RIMS2: variants seen among roughly 807,000 people sequenced by gnomAD.
RIMS2 encodes regulating synaptic membrane exocytosis 2, also known as regulating synaptic membrane exocytosis protein 2.
RIMS2 carries 59 observed loss-of-function variants against 174.4 expected under a neutral mutation model. That is an observed-to-expected ratio of 0.34 (90% CI 0.27 to 0.42). The LOEUF is 0.42. RIMS2 is among the 10% of genes least tolerant of loss of function. The probability of loss-of-function intolerance (pLI) is 1.00; values close to 1 mark genes in which losing one functional copy is unlikely to be tolerated. For missense variants in RIMS2, 1,620 were observed against 1,666.3 expected (o/e 0.97, Z 0.48); for synonymous variants, 606 against 572.5 (o/e 1.06, Z -0.84).
At chr8:103,962,344 A>T (rs567723926) in intron 15 of RIMS2, among the ~76,000 whole-genome samples, 1 of 152,294 alleles carries the variant, frequency 6.6e-6, no homozygotes, top group South Asian at 2.1e-4. Flanking sequence ...AGTCTCTGGA[A>T]TAATTTTCTG....
intron 19 of RIMS2, among the ~76,000 whole-genome samples, chr8:104,100,952 T>TATATGAG (rs759307956): frequency 1.6e-5 from 2 of 128,554 alleles, no homozygotes; most frequent in Non-Finnish European, 3.2e-5. Flanking sequence ...TTATATAGTA[T>TATATGAG]ATATGATATA....
intron 19 of RIMS2, among the ~76,000 whole-genome samples, chr8:104,168,933 ATG>A (rs1423026743): frequency 1.3e-5 from 2 of 151,906 alleles, no homozygotes; most frequent in African/African-American, 4.8e-5. Context: ...AATTATTTTT[ATG>A]TGATGTGTCA....
At chr8:103,760,589 G>A (rs1054388198) in intron 2 of RIMS2, among the ~76,000 whole-genome samples, 1 of 152,188 alleles carries the variant, frequency 6.6e-6, no homozygotes, top group African/African-American at 2.4e-5. Flanking sequence ...GAATGCTTTA[G>A]GGTAATGCTC....
intron 17 of RIMS2, 61 bp from the exon 20 acceptor site, chr8:104,013,381 A>T (rs567702988): frequency 7.2e-7 from 1 of 1,397,240 alleles, no homozygotes; most frequent in African/African-American, 1.4e-5. Flanking sequence ...TTGATGCATC[A>T]TAACCAAATA....
At chr8:103,950,852 T>C (rs2085174466) in intron 14 of RIMS2, among the ~76,000 whole-genome samples, 1 of 152,202 alleles carries the variant, frequency 6.6e-6, no homozygotes, top group African/African-American at 2.4e-5. Context: ...GCATACATGT[T>C]CATTCATATA....
intron 19 of RIMS2, among the ~76,000 whole-genome samples, chr8:104,192,347 G>A (rs1563663738): frequency 6.6e-6 from 1 of 151,986 alleles, no homozygotes; most frequent in African/African-American, 2.4e-5. Context: ...AAAACTCACT[G>A]ACAGCATTTG....
At chr8:103,595,042 C>T (rs2094432593) in intron 1 of RIMS2, among the ~76,000 whole-genome samples, 1 of 151,576 alleles carries the variant, frequency 6.6e-6, no homozygotes, top group South Asian at 2.1e-4. Context: ...ATGACCATGT[C>T]ACATAAATAT....
intron 19 of RIMS2, among the ~76,000 whole-genome samples, chr8:104,241,111 C>A (rs145084960): frequency 1.3e-5 from 2 of 152,308 alleles, no homozygotes; most frequent in East Asian, 3.9e-4. Flanking sequence ...TCCCACCCCA[C>A]TAAGCTGCTT....
chr8:103,513,892 T>A (rs1258332911), intron 1 of RIMS2, among the ~76,000 whole-genome samples: 1 of 152,180 alleles, frequency 6.6e-6, no homozygotes, highest in Non-Finnish European at 1.5e-5. Flanking sequence ...TCTTTATTGA[T>A]CCCAGGTCAT....
intron 1 of RIMS2, among the ~76,000 whole-genome samples, chr8:103,505,353 G>A (rs776779549): frequency 3.5e-4 from 54 of 152,118 alleles, no homozygotes; most frequent in Non-Finnish European, 7.1e-4. Flanking sequence ...AAACAGAAAT[G>A]TGTCCTGCAG....
intron 4 of RIMS2, among the ~76,000 whole-genome samples, chr8:103,906,077 C>A (rs992439195): frequency 1.3e-5 from 2 of 151,992 alleles, no homozygotes; most frequent in South Asian, 4.2e-4. Context: ...ATAAGAATAT[C>A]CAGTGGAAAC....
chr8:103,746,190 T>C (rs2097810465), intron 2 of RIMS2, among the ~76,000 whole-genome samples: 1 of 152,220 alleles, frequency 6.6e-6, no homozygotes, highest in African/African-American at 2.4e-5. Context: ...TCCAGTGCCA[T>C]TTATTGAAAA....
intron 3 of RIMS2, among the ~76,000 whole-genome samples, chr8:103,851,337 A>C (rs1325304304): frequency 6.6e-6 from 1 of 151,916 alleles, no homozygotes; most frequent in Non-Finnish European, 1.5e-5. Flanking sequence ...AGTTATGTAT[A>C]AAGTTGCTTT....
Position 103,967,851 on chromosome 8 carries a change from CTT to C in RIMS2, c.2770+6737_2770+6738del, listed in dbSNP as rs1183741701. On this transcript the variant is annotated intron_variant, in intron 15 of 23. Transcript: ENST00000504942. Reference sequence around the variant, plus strand: ...TCTAAAATTAGTGTACCTACTCCTGCTTTTTTTTTTTTTTTTTTTTGAGACAG... The same window carrying C: ...TCTAAAATTAGTGTACCTACTCCTGCTTTTTTTTTTTTTTTTTTGAGACAG... Among the ~76,000 whole-genome samples the C allele has an allele frequency of 9.0e-3, 985 of 109,446 alleles. 4 individuals are homozygous for C. The highest frequency in any genetic ancestry group is 0.035 in the African/African-American group (943 of 27,184). 71.8% of individuals were successfully genotyped at this position (109,446 alleles called of 152,430 possible). A position where few individuals can be genotyped will look rare whatever the true frequency, so the allele number is the denominator to read the frequency against.
intron 3 of RIMS2, among the ~76,000 whole-genome samples, chr8:103,798,709 T>A (rs2098577222): frequency 6.6e-6 from 1 of 152,162 alleles, no homozygotes; most frequent in Non-Finnish European, 1.5e-5. Context: ...AATTTGTTGT[T>A]CCAGACTGCT....
chr8:104,202,977 G>A (rs183471335), intron 19 of RIMS2, among the ~76,000 whole-genome samples: 272 of 152,294 alleles, frequency 1.8e-3, no homozygotes, highest in Non-Finnish European at 3.0e-3. Context: ...TGGGAAGTAT[G>A]TTTCCTAAAT....
chr8:104,220,569 C>T (rs1257921637), intron 19 of RIMS2, among the ~76,000 whole-genome samples: 4 of 151,984 alleles, frequency 2.6e-5, no homozygotes, highest in Non-Finnish European at 1.5e-5. Flanking sequence ...TAAAAGTTTT[C>T]CATGCATCCC....
chr8:103,645,421 C>A (rs34330341), intron 1 of RIMS2, among the ~76,000 whole-genome samples: 17,657 of 151,922 alleles, frequency 0.12, 1,369 homozygotes, highest in Non-Finnish European at 0.17. Flanking sequence ...TCATTTATTA[C>A]TATATCATTA....
At chr8:103,722,968 C>T (rs551650794) in intron 2 of RIMS2, among the ~76,000 whole-genome samples, 1 of 152,048 alleles carries the variant, frequency 6.6e-6, no homozygotes, top group Admixed American at 6.6e-5. Flanking sequence ...AACAATTAGC[C>T]GGGCATGGTG....
Sources: gnomAD v4.1 joint callset for allele counts (sites outside exome capture counted in the v4.1 genomes callset) on GRCh38, gnomAD v4.1.1 for gene constraint, MANE v1.5 for transcripts, NCBI Gene and HGNC (gene_info 2026-07-23, HGNC 2026-07-21) for gene names.